ENTREP2: variants seen among roughly 807,000 people sequenced by gnomAD.
ENTREP2 encodes endosomal transmembrane epsin interactor 2.
the ENTREP2 span, among the ~76,000 whole-genome samples, chr15:29,544,544 A>G: frequency 7.8e-6 from 1 of 128,282 alleles, no homozygotes; most frequent in Non-Finnish European, 1.5e-5. Flanking sequence ...GTTTTCAAAT[A>G]AAAAATTCGG....
chr15:29,164,025 C>T, the ENTREP2 span, among the ~76,000 whole-genome samples: 1 of 152,194 alleles, frequency 6.6e-6, no homozygotes, highest in Non-Finnish European at 1.5e-5. Flanking sequence ...CCTCCTCAAA[C>T]AAAACGATTA....
the ENTREP2 span, among the ~76,000 whole-genome samples, chr15:29,209,333 C>T: frequency 6.6e-6 from 1 of 152,096 alleles, no homozygotes; most frequent in Non-Finnish European, 1.5e-5. Context: ...GAAACCCCGT[C>T]TCTACTAAAA....
chr15:29,259,737 G>A, the ENTREP2 span, among the ~76,000 whole-genome samples: 1 of 152,002 alleles, frequency 6.6e-6, no homozygotes, highest in Middle Eastern at 3.4e-3. Flanking sequence ...AGCACTTCAG[G>A]AGGCCAAGGC....
At chr15:29,199,540 C>T in the ENTREP2 span, among the ~76,000 whole-genome samples, 1 of 152,192 alleles carries the variant, frequency 6.6e-6, no homozygotes, top group Non-Finnish European at 1.5e-5. Flanking sequence ...AGGAGATTTT[C>T]AGTTCTCCTG....
chr15:29,435,547 T>A, the ENTREP2 span, among the ~76,000 whole-genome samples: 1 of 152,110 alleles, frequency 6.6e-6, no homozygotes, highest in African/African-American at 2.4e-5. Flanking sequence ...CTTCAAACCA[T>A]CTTTATAGTG....
the ENTREP2 span, among the ~76,000 whole-genome samples, chr15:29,365,250 C>T: frequency 8.4e-5 from 12 of 142,024 alleles, no homozygotes; most frequent in East Asian, 2.1e-4. Context: ...TAGCTCATTT[C>T]TTTTTTTTTT....
At chr15:29,674,018 C>T in the ENTREP2 span, among the ~76,000 whole-genome samples, 2 of 151,818 alleles carry the variant, frequency 1.3e-5, no homozygotes, top group African/African-American at 2.4e-5. Flanking sequence ...GGTCCCCCTT[C>T]CCCATTTCTC....
At chr15:29,597,517 G>A in the ENTREP2 span, among the ~76,000 whole-genome samples, 3,099 of 150,952 alleles carry the variant, frequency 0.021, 105 homozygotes, top group African/African-American at 0.071. Context: ...GCTGTGAGCC[G>A]AGATTGCGCC....
At chr15:29,496,516 G>C in the ENTREP2 span, among the ~76,000 whole-genome samples, 1 of 152,208 alleles carries the variant, frequency 6.6e-6, no homozygotes, top group African/African-American at 2.4e-5. Context: ...TAGAGAAAAA[G>C]CTCTCAACCA....
At chr15:29,171,128 C>T in the ENTREP2 span, among the ~76,000 whole-genome samples, 86 of 152,304 alleles carry the variant, frequency 5.6e-4, no homozygotes, top group African/African-American at 1.6e-3. Context: ...TCCACTCTCA[C>T]GACCCAATCA....
chr15:29,657,578 G>T, the ENTREP2 span, among the ~76,000 whole-genome samples: 2 of 148,914 alleles, frequency 1.3e-5, no homozygotes, highest in Non-Finnish European at 3.0e-5. Context: ...TCCTCCCCAC[G>T]ATTGGCTACT....
the ENTREP2 span, among the ~76,000 whole-genome samples, chr15:29,263,697 T>C: frequency 3.9e-5 from 6 of 152,124 alleles, no homozygotes; most frequent in African/African-American, 7.2e-5. Flanking sequence ...AGATGACTGA[T>C]AGATAAATAT....
the ENTREP2 span, among the ~76,000 whole-genome samples, chr15:29,603,909 G>A: frequency 6.6e-6 from 1 of 152,106 alleles, no homozygotes; most frequent in East Asian, 1.9e-4. Flanking sequence ...AAAGTACTCC[G>A]ATTATAGGCA....
At chr15:29,187,968 C>A in the ENTREP2 span, among the ~76,000 whole-genome samples, 33 of 152,276 alleles carry the variant, frequency 2.2e-4, no homozygotes, top group African/African-American at 7.5e-4. Context: ...CACAGAAAAG[C>A]AGTATGAGAA....
At chr15:29,670,890 A>C in the ENTREP2 span, among the ~76,000 whole-genome samples, 2 of 152,206 alleles carry the variant, frequency 1.3e-5, no homozygotes, top group African/African-American at 2.4e-5. Context: ...TGCAGTGAGA[A>C]TAATGAATGT....
chr15:29,469,063 T>TC, the ENTREP2 span, among the ~76,000 whole-genome samples: 1 of 152,034 alleles, frequency 6.6e-6, no homozygotes, highest in African/African-American at 2.4e-5. Flanking sequence ...TTCCACCCCA[T>TC]CCCGATAGCC....
the ENTREP2 span, among the ~76,000 whole-genome samples, chr15:29,277,288 G>A: frequency 1.3e-5 from 2 of 151,546 alleles, no homozygotes; most frequent in African/African-American, 4.9e-5. Context: ...CTTACAGTGA[G>A]CCAAGATTGT....
At chr15:29,278,013 C>T in the ENTREP2 span, among the ~76,000 whole-genome samples, 1 of 146,606 alleles carries the variant, frequency 6.8e-6, no homozygotes, top group Admixed American at 6.6e-5. Flanking sequence ...CCCATGTATA[C>T]ATAACTGGTG....
the ENTREP2 span, among the ~76,000 whole-genome samples, chr15:29,345,820 C>T: frequency 6.6e-6 from 1 of 152,160 alleles, no homozygotes; most frequent in Admixed American, 6.5e-5. Context: ...CCTATCACCT[C>T]ATTTACATCC....
Sources: gnomAD v4.1 joint callset for allele counts (sites outside exome capture counted in the v4.1 genomes callset) on GRCh38, gnomAD v4.1.1 for gene constraint, MANE v1.5 for transcripts, NCBI Gene and HGNC (gene_info 2026-07-23, HGNC 2026-07-21) for gene names.